ZNF433: variants seen among roughly 807,000 people sequenced by gnomAD.
ZNF433 encodes zinc finger protein 433.
A neutral mutation model predicts 10.6 loss-of-function variants in ZNF433; 12 were observed. The ratio of observed to expected loss-of-function variants is 1.13; its 90% CI spans 0.72 to 1.83. The LOEUF is 1.83. Among genes scored for constraint, ZNF433 ranks in the 40% most tolerant of loss-of-function variants. ZNF433 has a pLI of 0.00. For synonymous variants in ZNF433, 272 were observed against 271.3 expected, an observed-to-expected ratio of 1.00 and a Z score of -0.02; for missense variants, 737 against 798.0, an observed-to-expected ratio of 0.92 and a Z score of 0.92.
At chr19:12,022,410 G>A (rs1245575688) in intron 1 of ZNF433, among the ~76,000 whole-genome samples, 1 of 152,190 alleles carries the variant, frequency 6.6e-6, no homozygotes, top group Non-Finnish European at 1.5e-5. Flanking sequence ...AAGGCTGTCA[G>A]CCCCCTGATT....
rs562982643 is a variant in ZNF433, at chr19:12,022,479, G to A, written c.4-4187C>T. Reference sequence around the variant, plus strand: ...TCTTTAATTCCTCTAGTGCCCCTGGGTTAGGGTCTCCATGACCGAGATGGT... The same window carrying A: ...TCTTTAATTCCTCTAGTGCCCCTGGATTAGGGTCTCCATGACCGAGATGGT... On this transcript the variant is annotated intron_variant, in intron 1 of 3. Coordinates refer to ENST00000550507, the MANE Select transcript of ZNF433 (RefSeq NM_001308348.2). 9.2e-5 allele frequency among the ~76,000 whole-genome samples: 14 copies of A among 152,264 alleles called. 1 individual carries two copies. Among genetic ancestry groups the A allele is most frequent in the African/African-American group, 3.1e-4 (13 of 41,540 alleles).
At chr19:12,034,292 A>T (rs1975173947) in intron 1 of ZNF433, among the ~76,000 whole-genome samples, 1 of 152,184 alleles carries the variant, frequency 6.6e-6, no homozygotes, top group South Asian at 2.1e-4. Flanking sequence ...GTAATTCAAA[A>T]ATTGAAGCTG....
In ZNF433 at chr19:12,015,416, C is replaced by CCATA; in HGVS notation, c.1438_1441dup (p.Gly481ValfsTer13). 1 of 1,614,084 alleles carries CCATA rather than the reference C, an allele frequency of 6.2e-7. No homozygotes were observed. The highest frequency in any genetic ancestry group is 8.5e-7 in the Non-Finnish European group (1 of 1,179,990). On this transcript the variant is annotated frameshift_variant, in exon 4 of 4. Coordinates refer to ENST00000550507, the MANE Select transcript of ZNF433 (RefSeq NM_001308348.2). LOFTEE classifies it low-confidence loss of function (END_TRUNC). The stretch of plus-strand genomic sequence containing the variant: ...TAAACTGGGCAAACTGAATGTTTTC[C>CCATA]CATAACCCTTACATTCATACGGCTT...
intron 1 of ZNF433, among the ~76,000 whole-genome samples, chr19:12,028,809 A>T (rs1027290293): frequency 6.6e-6 from 1 of 152,120 alleles, no homozygotes; most frequent in Non-Finnish European, 1.5e-5. Flanking sequence ...AGCTATCCCT[A>T]CCTTCCTGAG....
At position 12,015,493 on chromosome 19, in the gene ZNF433, TG is replaced by T. The variant is rs1455599841; in HGVS notation, c.1364del (p.Pro455HisfsTer213). ...KPYACKECGK[P>X]FSNFSFFQIH... ...TTTGAAAGAAAGAGAAATTACTAAA[TG>T]GTTTTCCACATTCCTTACATGCATA... is the stretch of plus-strand genomic sequence containing the variant. On this transcript the variant is annotated frameshift_variant, in exon 4 of 4. Coordinates refer to ENST00000550507, the MANE Select transcript of ZNF433 (RefSeq NM_001308348.2). LOFTEE classifies it low-confidence loss of function (END_TRUNC). 1 of 1,613,108 alleles carries T rather than the reference TG, an allele frequency of 6.2e-7. No individual in the cohort carries two copies. The highest frequency in any genetic ancestry group is 8.5e-7 in the Non-Finnish European group (1 of 1,179,844).
At chr19:12,026,335 A>G (rs1468534416) in intron 1 of ZNF433, 17 of 240,876 alleles carry the variant, frequency 7.1e-5, no homozygotes, top group Non-Finnish European at 1.2e-4. Context: ...GAGGACCCCA[A>G]CTGTCACGAG....
intron 1 of ZNF433, among the ~76,000 whole-genome samples, chr19:12,031,294 C>CAAAAA (rs536658747): frequency 4.1e-4 from 15 of 36,394 alleles, no homozygotes; most frequent in Middle Eastern, 0.013. Context: ...GACTCCATCT[C>CAAAAA]AAAAAAAAAA....
At chr19:12,030,686 G>T (rs1227285126) in intron 1 of ZNF433, among the ~76,000 whole-genome samples, 1 of 151,940 alleles carries the variant, frequency 6.6e-6, no homozygotes, top group Non-Finnish European at 1.5e-5. Flanking sequence ...CAATGGAGAG[G>T]GTCCATGGGT....
chr19:12,028,758 G>A (rs187113513), intron 1 of ZNF433, among the ~76,000 whole-genome samples: 1 of 152,286 alleles, frequency 6.6e-6, no homozygotes, highest in Admixed American at 6.5e-5. Flanking sequence ...TGGTGCAGGG[G>A]CATGATGACA....
chr19:12,029,521 CAAAAAAAAAAAAA>C (rs55659942), intron 1 of ZNF433, among the ~76,000 whole-genome samples: 3 of 48,426 alleles, frequency 6.2e-5, no homozygotes, highest in African/African-American at 2.4e-4. Flanking sequence ...GACTCTGTCT[CAAAAAAAAAAAAA>C]AAAAAAAAAA....
In ZNF433 at chr19:12,035,628, G is replaced by A. The variant is rs1975257989; in HGVS notation, c.-89C>T. On this transcript the variant is annotated 5_prime_UTR_variant, in exon 1 of 4. Transcript: ENST00000550507. ...GCAGAGGCACCTGAACCCTCTCGGA[G>A]GGGAAAGCCAGGCTCCCAACCTCAG... 1 of 1,519,282 alleles carries A rather than the reference G, an allele frequency of 6.6e-7. No homozygotes were observed. 94.1% of individuals were successfully genotyped at this position (1,519,282 alleles called of 1,614,324 possible). A position where few individuals can be genotyped will look rare whatever the true frequency, so the allele number is the denominator to read the frequency against.
chr19:12,032,102 C>CA (rs1975064028), intron 1 of ZNF433, among the ~76,000 whole-genome samples: 1 of 150,686 alleles, frequency 6.6e-6, no homozygotes. Flanking sequence ...CCATGCCCGG[C>CA]TTTTTTTTTG....
In ZNF433 at chr19:12,015,133, T is replaced by G. The variant is rs1599345974; in HGVS notation, c.1725A>C (p.Gln575His). The change falls in exon 4 of 4, where the codon CAA (glutamine) becomes CAC (histidine). Residue 575 changes from glutamine (Q) to histidine (H), a missense_variant. Physicochemically the swap from Gln to His is conservative, Grantham distance 24. Coordinates refer to ENST00000550507, the MANE Select transcript of ZNF433 (RefSeq NM_001308348.2). ...CTCCAGTGTGAGTCCTTCCATGCAT[T>G]TGAAGGTGTGAGGCAGATCCAAAGG... ...GKAFGSASHL[Q>H]MHGRTHTGEK... 6.2e-7 allele frequency: 1 copy of G among 1,613,982 alleles called. No homozygotes were observed.
intron 2 of ZNF433, 39 bp from the exon 3 acceptor site, chr19:12,017,975 T>C (rs1407215384): frequency 7.0e-6 from 10 of 1,436,590 alleles, no homozygotes; most frequent in Non-Finnish European, 9.5e-6. Flanking sequence ...TGAATTAGTA[T>C]AAAATTATTA....
intron 1 of ZNF433, among the ~76,000 whole-genome samples, chr19:12,029,297 G>A (rs550092479): frequency 1.3e-3 from 198 of 152,116 alleles, no homozygotes; most frequent in Middle Eastern, 3.4e-3. Flanking sequence ...GGAGGTGGGC[G>A]CATCACCTGA....
At chr19:12,017,123 G>A (rs771206869) in intron 3 of ZNF433, among the ~76,000 whole-genome samples, 3 of 152,050 alleles carry the variant, frequency 2.0e-5, no homozygotes, top group Non-Finnish European at 2.9e-5. Flanking sequence ...CGGACCACAG[G>A]CTCTACAAGA....
At position 12,015,418 on chromosome 19, in the gene ZNF433, A is replaced by G; in HGVS notation, c.1440T>C (p.Tyr480=). 9.3e-6 allele frequency: 15 copies of G among 1,614,144 alleles called. No homozygotes were observed. Among genetic ancestry groups the G allele is most frequent in the African/African-American group, 1.3e-5 (1 of 75,060 alleles). Residue 480 remains tyrosine, a synonymous_variant, in exon 4 of 4, where the codon TAT becomes TAC. Coordinates refer to ENST00000550507, the MANE Select transcript of ZNF433 (RefSeq NM_001308348.2). ...REEKPYECKG[Y]GKTFSLPSLF... is the part of the protein sequence containing the mutation. Reference sequence around the variant, plus strand: ...AACTGGGCAAACTGAATGTTTTCCCATAACCCTTACATTCATACGGCTTCT... The same window carrying G: ...AACTGGGCAAACTGAATGTTTTCCCGTAACCCTTACATTCATACGGCTTCT...
intron 1 of ZNF433, among the ~76,000 whole-genome samples, chr19:12,031,549 C>T (rs1263845592): frequency 6.6e-6 from 1 of 152,050 alleles, no homozygotes; most frequent in Non-Finnish European, 1.5e-5. Flanking sequence ...GAGGCTAAGG[C>T]ACAAGAATCG....
intron 1 of ZNF433, among the ~76,000 whole-genome samples, chr19:12,033,100 T>G (rs905437261): frequency 3.2e-4 from 49 of 152,082 alleles, no homozygotes; most frequent in African/African-American, 1.0e-3. Flanking sequence ...TTTTTTTTTT[T>G]TCCCCTCTCT....
Sources: allele counts gnomAD v4.1 joint callset (sites outside exome capture counted in the v4.1 genomes callset), GRCh38; gene constraint gnomAD v4.1.1; transcripts MANE v1.5; gene names NCBI Gene and HGNC (gene_info 2026-07-23, HGNC 2026-07-21).